The following CNTNAP5 variants were observed in gnomAD, a reference collection of about 807,000 sequenced individuals.
CNTNAP5 encodes the protein contactin-associated protein-like 5.
CNTNAP5 carries 72 observed loss-of-function variants against 150.2 expected under a neutral mutation model. That is an observed-to-expected ratio of 0.48 (90% CI 0.40 to 0.58). The LOEUF is 0.58. Among genes scored for constraint, CNTNAP5 ranks in the 20% least tolerant of loss-of-function variants. The pLI is 0.00. For missense variants in CNTNAP5, 1,636 were observed against 1,626.2 expected, an observed-to-expected ratio of 1.01 and a Z score of -0.10; for synonymous variants, 672 against 619.8, an observed-to-expected ratio of 1.08 and a Z score of -1.25.
At chr2:124,439,933 A>G (rs1485362328) in intron 5 of CNTNAP5, among the ~76,000 whole-genome samples, 1 of 152,164 alleles carries the variant, frequency 6.6e-6, no homozygotes, top group Non-Finnish European at 1.5e-5. Flanking sequence ...ACTAAGCTAC[A>G]TAACTTACAT....
intron 13 of CNTNAP5, among the ~76,000 whole-genome samples, chr2:124,667,008 C>A (rs1678715329): frequency 8.0e-6 from 1 of 124,638 alleles, no homozygotes; most frequent in Non-Finnish European, 1.8e-5. Flanking sequence ...GCTTGATGTG[C>A]TTTAAGAAGA....
At chr2:124,042,895 G>A (rs1427766594) in intron 1 of CNTNAP5, among the ~76,000 whole-genome samples, 1 of 152,022 alleles carries the variant, frequency 6.6e-6, no homozygotes, top group Non-Finnish European at 1.5e-5. Flanking sequence ...TGGAGGTGAC[G>A]TAACTACGTG....
intron 13 of CNTNAP5, among the ~76,000 whole-genome samples, chr2:124,682,050 A>G (rs1679080609): frequency 6.6e-6 from 1 of 152,190 alleles, no homozygotes; most frequent in African/African-American, 2.4e-5. Flanking sequence ...CTTACAAGAC[A>G]GCCTTAGCTT....
intron 13 of CNTNAP5, among the ~76,000 whole-genome samples, chr2:124,681,768 T>C (rs1372765086): frequency 1.3e-5 from 2 of 152,144 alleles, no homozygotes; most frequent in Non-Finnish European, 2.9e-5. Flanking sequence ...TTCACCATTT[T>C]AGCCAGGATG....
At chr2:124,395,456 T>C (rs1185044150) in intron 3 of CNTNAP5, among the ~76,000 whole-genome samples, 1 of 152,116 alleles carries the variant, frequency 6.6e-6, no homozygotes. Flanking sequence ...TGTGAAAACA[T>C]GCAGCTGGAT....
At chr2:124,025,844 G>A in intron 1 of CNTNAP5, 112 bp downstream of exon 1, 76 of 908,800 alleles carry the variant, frequency 8.4e-5, no homozygotes, top group Admixed American at 7.5e-4. Context: ...AAAGGAAACG[G>A]AAAAAAAATG....
intron 3 of CNTNAP5, among the ~76,000 whole-genome samples, chr2:124,320,639 G>A (rs1436882030): frequency 6.6e-6 from 1 of 151,320 alleles, no homozygotes; most frequent in Non-Finnish European, 1.5e-5. Context: ...AAGGAAAAAA[G>A]CATAAAGATT....
At chr2:124,742,246 TTTTAA>T (rs1413760812) in intron 13 of CNTNAP5, among the ~76,000 whole-genome samples, 1 of 152,216 alleles carries the variant, frequency 6.6e-6, no homozygotes, top group African/African-American at 2.4e-5. Context: ...AACTTTTTTC[TTTTAA>T]TTTGTTTGTC....
intron 13 of CNTNAP5, among the ~76,000 whole-genome samples, chr2:124,660,412 T>C (rs902605272): frequency 1.3e-5 from 2 of 152,204 alleles, no homozygotes; most frequent in Non-Finnish European, 2.9e-5. Flanking sequence ...CCAAGTAGTA[T>C]CTAAAACAGT....
intron 2 of CNTNAP5, among the ~76,000 whole-genome samples, chr2:124,231,744 A>T (rs886902666): frequency 6.6e-6 from 1 of 152,282 alleles, no homozygotes; most frequent in South Asian, 2.1e-4. Flanking sequence ...GGACAGCTAT[A>T]GATCATTGAA....
intron 13 of CNTNAP5, among the ~76,000 whole-genome samples, chr2:124,649,429 G>A (rs770428531): frequency 1.1e-4 from 17 of 152,112 alleles, no homozygotes; most frequent in South Asian, 4.1e-4. Context: ...TTCTCATTGC[G>A]TTGTTTCTAG....
chr2:124,766,541 C>T (rs943147537), intron 16 of CNTNAP5, among the ~76,000 whole-genome samples: 11 of 152,070 alleles, frequency 7.2e-5, no homozygotes, highest in African/African-American at 2.7e-4. Context: ...TAGTTTTAAC[C>T]TCCTTTTGCT....
intron 10 of CNTNAP5, among the ~76,000 whole-genome samples, chr2:124,527,875 T>C (rs978296682): frequency 6.6e-6 from 1 of 152,096 alleles, no homozygotes; most frequent in Non-Finnish European, 1.5e-5. Flanking sequence ...GCAGCAGAGG[T>C]TCCCGAAATG....
chr2:124,800,718 A>T (rs1380119915), intron 19 of CNTNAP5, among the ~76,000 whole-genome samples: 1 of 152,194 alleles, frequency 6.6e-6, no homozygotes, highest in Non-Finnish European at 1.5e-5. Flanking sequence ...AAGCTGCCTG[A>T]TCCCATAGGC....
At chr2:124,846,721 G>T (rs1683054909) in intron 19 of CNTNAP5, among the ~76,000 whole-genome samples, 2 of 152,146 alleles carry the variant, frequency 1.3e-5, no homozygotes, top group African/African-American at 4.8e-5. Context: ...GGAAGATATG[G>T]GATTCAAGGG....
chr2:124,408,416 C>T (rs1054289423), intron 3 of CNTNAP5, among the ~76,000 whole-genome samples: 2 of 152,186 alleles, frequency 1.3e-5, no homozygotes, highest in African/African-American at 4.8e-5. Context: ...TCTGTAGGCT[C>T]CACCTCTGGG....
chr2:124,370,251 A>C (rs2104725789), intron 3 of CNTNAP5, among the ~76,000 whole-genome samples: 1 of 152,282 alleles, frequency 6.6e-6, no homozygotes, highest in Non-Finnish European at 1.5e-5. Flanking sequence ...CTAGACCCTC[A>C]GCAGTAAAGG....
intron 3 of CNTNAP5, among the ~76,000 whole-genome samples, chr2:124,365,595 G>A (rs1326705449): frequency 6.6e-6 from 1 of 152,158 alleles, no homozygotes; most frequent in Non-Finnish European, 1.5e-5. Context: ...ACACCATTGG[G>A]AAGCAGAGCA....
chr2:124,677,425 A>G (rs916012224), intron 13 of CNTNAP5, among the ~76,000 whole-genome samples: 6 of 152,234 alleles, frequency 3.9e-5, no homozygotes, highest in Admixed American at 1.3e-4. Context: ...GGACCTGAGC[A>G]GGTTGCTGCT....
Sources: gnomAD v4.1 joint callset for allele counts (sites outside exome capture counted in the v4.1 genomes callset) on GRCh38, gnomAD v4.1.1 for gene constraint, MANE v1.5 for transcripts, NCBI Gene and HGNC (gene_info 2026-07-23, HGNC 2026-07-21) for gene names.